WWOX: variants seen among roughly 807,000 people sequenced by gnomAD.
The protein encoded by WWOX is WW domain containing oxidoreductase.
WWOX carries 69 observed loss-of-function variants against 46.2 expected under a neutral mutation model. The observed-to-expected ratio is 1.49, with a 90% CI of 1.23 to 1.82. WWOX has a LOEUF of 1.82. WWOX is among the 40% of genes most tolerant of loss of function. WWOX has a pLI of 0.00. For synonymous variants in WWOX, 359 were observed against 202.6 expected, an observed-to-expected ratio of 1.77 and a Z score of -6.56; for missense variants, 919 against 542.6, an observed-to-expected ratio of 1.69 and a Z score of -6.89.
chr16:78,115,741 G>C (rs924916501), intron 4 of WWOX, among the ~76,000 whole-genome samples: 2 of 152,186 alleles, frequency 1.3e-5, no homozygotes, highest in African/African-American at 4.8e-5. Context: ...CCATTAAGGA[G>C]ACAGGAGCAA....
At chr16:78,728,308 G>A (rs890214559) in intron 8 of WWOX, among the ~76,000 whole-genome samples, 1 of 151,956 alleles carries the variant, frequency 6.6e-6, no homozygotes, top group Non-Finnish European at 1.5e-5. Flanking sequence ...GAGCTCAAGC[G>A]ATTCTCCCGC....
At chr16:79,032,235 TAGAG>T (rs542907917) in intron 8 of WWOX, among the ~76,000 whole-genome samples, 212 of 146,400 alleles carry the variant, frequency 1.4e-3, no homozygotes, top group African/African-American at 4.4e-3. Context: ...TATGTATGTA[TAGAG>T]AGTCTATTAT....
intron 8 of WWOX, among the ~76,000 whole-genome samples, chr16:78,572,500 G>C (rs2044741086): frequency 1.3e-5 from 2 of 149,120 alleles, no homozygotes; most frequent in Admixed American, 1.4e-4. Flanking sequence ...GTACTTGGGA[G>C]ACTGAGGAGG....
Position 78,278,575 on chromosome 16 carries a change from A to T in WWOX, c.517-108285A>T, listed in dbSNP as rs192807355. The T allele has an allele frequency of 1.0e-3, 1,661 of 1,596,290 alleles. 5 individuals carry two copies. Among genetic ancestry groups the T allele is most frequent in the Non-Finnish European group, 1.3e-3 (1,518 of 1,166,896 alleles). ...TGTTGTTCTCATAACTTAATTTTAC[A>T]CAACTGTCTTTTGTTTGTATCTTAC... On this transcript the variant is annotated intron_variant, in intron 5 of 8. Coordinates refer to ENST00000566780, the MANE Select transcript of WWOX (RefSeq NM_016373.4).
At chr16:78,434,504 C>T (rs1274856256) in intron 8 of WWOX, among the ~76,000 whole-genome samples, 4 of 152,124 alleles carry the variant, frequency 2.6e-5, no homozygotes, top group Non-Finnish European at 5.9e-5. Flanking sequence ...TTAAATGAGG[C>T]ATTTAGGAAT....
intron 8 of WWOX, among the ~76,000 whole-genome samples, chr16:79,178,798 T>A (rs901004645): frequency 1.3e-5 from 2 of 152,224 alleles, no homozygotes; most frequent in African/African-American, 4.8e-5. Flanking sequence ...CCAACTACAA[T>A]TTTTTTCCTC....
chr16:78,458,307 C>G (rs894783293), intron 8 of WWOX, among the ~76,000 whole-genome samples: 3 of 142,724 alleles, frequency 2.1e-5, no homozygotes, highest in Non-Finnish European at 4.5e-5. Flanking sequence ...GTTATTCAGG[C>G]TAGAGTACAG....
intron 8 of WWOX, among the ~76,000 whole-genome samples, chr16:79,177,381 C>G (rs1245089228): frequency 6.6e-6 from 1 of 152,028 alleles, no homozygotes; most frequent in African/African-American, 2.4e-5. Context: ...TCCACTCTCC[C>G]TCCGTGGCTG....
intron 8 of WWOX, among the ~76,000 whole-genome samples, chr16:78,805,176 C>G (rs552233301): frequency 1.3e-5 from 2 of 152,252 alleles, no homozygotes; most frequent in African/African-American, 4.8e-5. Context: ...AATATTTAAC[C>G]AAGAAAGGAA....
At chr16:78,631,634 G>A (rs1258285101) in intron 8 of WWOX, among the ~76,000 whole-genome samples, 1 of 150,664 alleles carries the variant, frequency 6.6e-6, no homozygotes. Flanking sequence ...CTCCTCCCAG[G>A]CTCAAGAGAT....
At chr16:78,618,544 T>G (rs948832597) in intron 8 of WWOX, among the ~76,000 whole-genome samples, 10 of 152,150 alleles carry the variant, frequency 6.6e-5, no homozygotes, top group Admixed American at 5.2e-4. Flanking sequence ...TTATTTTACC[T>G]GAACTGTCTC....
intron 6 of WWOX, among the ~76,000 whole-genome samples, chr16:78,407,559 C>T (rs76549013): frequency 0.055 from 8,345 of 152,198 alleles, 776 homozygotes; most frequent in African/African-American, 0.19. Flanking sequence ...ACTGCTGCTC[C>T]TAGACTCTTT....
intron 8 of WWOX, among the ~76,000 whole-genome samples, chr16:79,209,641 C>G (rs959785385): frequency 7.2e-5 from 11 of 152,148 alleles, no homozygotes; most frequent in Non-Finnish European, 1.5e-4. Flanking sequence ...TGACAGATAT[C>G]TGGAAGTTGA....
intron 4 of WWOX, among the ~76,000 whole-genome samples, chr16:78,145,380 C>T (rs2034161962): frequency 6.6e-6 from 1 of 152,152 alleles, no homozygotes; most frequent in African/African-American, 2.4e-5. Context: ...GCCCCAAGAG[C>T]CCCTGGCAAA....
intron 5 of WWOX, among the ~76,000 whole-genome samples, chr16:78,201,432 A>T (rs996704275): frequency 1.5e-4 from 23 of 152,216 alleles, no homozygotes; most frequent in Admixed American, 3.9e-4. Context: ...TAAAATGTTG[A>T]TAACTAAGAC....
At chr16:79,194,198 A>G (rs1426700722) in intron 8 of WWOX, among the ~76,000 whole-genome samples, 3 of 152,218 alleles carry the variant, frequency 2.0e-5, no homozygotes, top group Non-Finnish European at 2.9e-5. Flanking sequence ...TCAAAACCAC[A>G]CCAAAAACGA....
chr16:78,512,755 G>T (rs770385720), intron 8 of WWOX, among the ~76,000 whole-genome samples: 2 of 152,160 alleles, frequency 1.3e-5, no homozygotes, highest in Non-Finnish European at 2.9e-5. Flanking sequence ...GCTAAAATAA[G>T]CTTGACTGGC....
At position 78,528,256 on chromosome 16, in the gene WWOX, C is replaced by T. The variant is rs1352372418; in HGVS notation, c.1056+95504C>T. On this transcript the variant is annotated intron_variant, in intron 8 of 8. Coordinates refer to ENST00000566780, the MANE Select transcript of WWOX (RefSeq NM_016373.4). ...GTCTCGGTCTGCTGATCTCGTAATC[C>T]GCCCACCTCGGCCTCACAAAGTGCT... Among the ~76,000 whole-genome samples, 5 of 145,736 alleles carry T rather than the reference C, an allele frequency of 3.4e-5. No individual in the cohort carries two copies. In the East Asian group the frequency reaches 6.1e-4, roughly 18 times the overall value.
At chr16:78,527,530 G>C (rs1301249580) in intron 8 of WWOX, among the ~76,000 whole-genome samples, 1 of 152,114 alleles carries the variant, frequency 6.6e-6, no homozygotes, top group African/African-American at 2.4e-5. Context: ...CTGACTTCAA[G>C]TGATGAGACT....
Sources: allele counts gnomAD v4.1 joint callset (sites outside exome capture counted in the v4.1 genomes callset), GRCh38; gene constraint gnomAD v4.1.1; transcripts MANE v1.5; gene names NCBI Gene and HGNC (gene_info 2026-07-23, HGNC 2026-07-21).